Variants in IGLL1 observed in about 807,000 individuals in gnomAD.
The protein encoded by IGLL1 is immunoglobulin lambda like polypeptide 1.
IGLL1 carries 10 observed loss-of-function variants against 10.5 expected under a neutral mutation model. The ratio of observed to expected loss-of-function variants is 0.95; its 90% CI spans 0.59 to 1.62. IGLL1 has a LOEUF of 1.62. Among genes scored for constraint, IGLL1 ranks in the 40% most tolerant of loss-of-function variants. The pLI is 0.00. For missense variants in IGLL1, 284 were observed against 278.7 expected (o/e 1.02, Z -0.14); for synonymous variants, 141 against 122.7 (o/e 1.15, Z -0.99).
intron 1 of IGLL1, among the ~76,000 whole-genome samples, chr22:23,577,905 G>A (rs1555904471): frequency 7.5e-6 from 1 of 133,898 alleles, no homozygotes; most frequent in Non-Finnish European, 1.6e-5. Flanking sequence ...TTTTTTTTGA[G>A]TGGGAGTCTC....
At chr22:23,574,622 A>G (rs950705622) in intron 2 of IGLL1, among the ~76,000 whole-genome samples, 57 of 152,220 alleles carry the variant, frequency 3.7e-4, no homozygotes, top group African/African-American at 1.1e-3. Flanking sequence ...GGTCCCAGGG[A>G]CTGTCTCTAA....
At position 23,580,089 on chromosome 22, in the gene IGLL1, T is replaced by A. The variant is rs201677831; in HGVS notation, c.102A>T (p.Val34=). The A allele has an allele frequency of 6.4e-7, 1 of 1,571,784 alleles. No individual in the cohort carries two copies. Among genetic ancestry groups the A allele is most frequent in the Admixed American group, 1.9e-5 (1 of 53,476 alleles). The part of the protein sequence containing the change: ...WPLLLLGLAV[V]THGLLRPTAA... ...CTGTTGGGCGCAGCAGGCCATGGGT[T>A]ACCACGGCCAGACCCAGCAGCAGCA... Residue 34 remains valine (V), a synonymous_variant, in exon 1 of 3, where the codon GTA becomes GTT. Transcript: ENST00000330377.
At chr22:23,573,738 T>C (rs1924912944) in intron 2 of IGLL1, among the ~76,000 whole-genome samples, 153 bp from the exon 3 acceptor site, 1 of 152,032 alleles carries the variant, frequency 6.6e-6, no homozygotes, top group South Asian at 2.1e-4. Context: ...TCCTTTCCAC[T>C]GGAGCCCTCT....
At chr22:23,579,588 GA>G (rs368956453) in intron 1 of IGLL1, among the ~76,000 whole-genome samples, 3,878 of 150,408 alleles carry the variant, frequency 0.026, 141 homozygotes, top group African/African-American at 0.069. Context: ...GGGAAAAGAG[GA>G]GGGGGGGGAG....
At chr22:23,579,887 A>C in intron 1 of IGLL1, 98 bp downstream of exon 1, 15 of 968,456 alleles carry the variant, frequency 1.5e-5, no homozygotes, top group Non-Finnish European at 2.3e-5. Context: ...CCAGGGATTA[A>C]CCTTCCTCCT....
rs147356355 is a variant in IGLL1, at chr22:23,573,290, C to T, written c.618G>A (p.Thr206=). Residue 206 remains threonine (T), a synonymous_variant, in exon 3 of 3, where the codon ACG becomes ACA. Transcript: ENST00000330377. ...VMHEGSTVEK[T]VAPAECS The stretch of plus-strand genomic sequence containing the variant: ...CCTATGAACATTCTGCAGGGGCCAC[C>T]GTCTTCTCCACGGTGCTCCCTTCGT... The T allele has an allele frequency of 8.4e-4, 1,349 of 1,613,992 alleles. 1 individual carries two copies. The highest frequency in any genetic ancestry group is 2.4e-3 in the Admixed American group (146 of 60,008).
rs1460659708 is a variant in IGLL1 at position 23,580,174 on chromosome 22, C to G, written c.17G>C (p.Gly6Ala). ...ACCAGGGGCCTCAAGGCCCCCCTGGCCTGTCCCTGGCCTCATCGGCCCTCA... is the reference window on the plus strand; with the variant it reads ...ACCAGGGGCCTCAAGGCCCCCCTGGGCTGTCCCTGGCCTCATCGGCCCTCA... MRPGTGQGGLEAPGEP... is the reference protein window; with the variant it reads MRPGTAQGGLEAPGEP... Residue 6 changes from glycine (G) to alanine (A), a missense_variant, in exon 1 of 3, where the codon GGC becomes GCC. Coordinates refer to ENST00000330377, the MANE Select transcript of IGLL1 (RefSeq NM_020070.4). The G allele has an allele frequency of 3.9e-6, 6 of 1,542,686 alleles. No individual in the cohort carries two copies. The highest frequency in any genetic ancestry group is 5.2e-6 in the Non-Finnish European group (6 of 1,147,952).
intron 1 of IGLL1, among the ~76,000 whole-genome samples, chr22:23,575,842 C>T (rs900038981): frequency 3.9e-5 from 6 of 152,214 alleles, no homozygotes; most frequent in Non-Finnish European, 7.3e-5. Context: ...ACAGGGCTGG[C>T]CCCTCTTTCC....
intron 1 of IGLL1, among the ~76,000 whole-genome samples, chr22:23,577,909 G>T (rs1191362525): frequency 1.4e-5 from 2 of 146,836 alleles, no homozygotes; most frequent in Admixed American, 6.8e-5. Flanking sequence ...TTTTGAGTGG[G>T]AGTCTCGTTC....
At chr22:23,577,327 C>T (rs1240560035) in intron 1 of IGLL1, among the ~76,000 whole-genome samples, 3 of 151,936 alleles carry the variant, frequency 2.0e-5, no homozygotes, top group African/African-American at 7.3e-5. Context: ...TTGCTTGAGC[C>T]CAGCAGTTGG....
intron 1 of IGLL1, among the ~76,000 whole-genome samples, chr22:23,579,171 A>G (rs1214993090): frequency 2.7e-5 from 4 of 150,674 alleles, no homozygotes; most frequent in African/African-American, 9.8e-5. Context: ...GGATCACAGC[A>G]GGACCTGCCT....
At chr22:23,575,271 C>T (rs987103026) in intron 1 of IGLL1, among the ~76,000 whole-genome samples, 189 bp from the exon 2 acceptor site, 4 of 152,122 alleles carry the variant, frequency 2.6e-5, no homozygotes, top group African/African-American at 4.8e-5. Context: ...ACGCTGGGCC[C>T]AGTAGGTCCC....
rs1161500544 is a variant in IGLL1, at chr22:23,573,389, G to A, written c.519C>T (p.Tyr173=). ...TTPSKQSNNK[Y]AASSYLSLTP... is the part of the protein sequence containing the mutation. ...TCAGGCTCAGGTAGCTGCTGGCCGC[G>A]TACTTGTTGTTGCTCTGTTTGGAGG... Residue 173 remains tyrosine, a synonymous_variant, in exon 3 of 3, where the codon TAC becomes TAT. Coordinates refer to ENST00000330377, the MANE Select transcript of IGLL1 (RefSeq NM_020070.4). 5 of 1,614,106 alleles carry A rather than the reference G, an allele frequency of 3.1e-6. No homozygotes were observed. Among genetic ancestry groups the A allele is most frequent in the African/African-American group, 1.3e-5 (1 of 75,032 alleles).
chr22:23,578,336 T>C (rs1449160029), intron 1 of IGLL1, among the ~76,000 whole-genome samples: 3 of 152,142 alleles, frequency 2.0e-5, no homozygotes, highest in African/African-American at 7.2e-5. Flanking sequence ...CAGTCTCTGT[T>C]CTGTAGGCAT....
chr22:23,579,208 C>A (rs539701218), intron 1 of IGLL1, among the ~76,000 whole-genome samples: 1 of 152,038 alleles, frequency 6.6e-6, no homozygotes, highest in South Asian at 2.1e-4. Context: ...GGAGGTTCTG[C>A]CCCTGAAATG....
At chr22:23,579,887 A>G (rs1301474889) in intron 1 of IGLL1, 98 bp downstream of exon 1, 1 of 968,338 alleles carries the variant, frequency 1.0e-6, no homozygotes. Context: ...CCAGGGATTA[A>G]CCTTCCTCCT....
intron 2 of IGLL1, 65 bp downstream of exon 2, chr22:23,574,902 G>C (rs1401058136): frequency 8.8e-7 from 1 of 1,136,226 alleles, no homozygotes; most frequent in Middle Eastern, 1.9e-4. Context: ...AAGCCCCAGA[G>C]AGAGAAAACA....
chr22:23,579,884 T>G, intron 1 of IGLL1, 101 bp downstream of exon 1: 1 of 940,642 alleles, frequency 1.1e-6, no homozygotes, highest in African/African-American at 1.7e-5. Flanking sequence ...CCTCCAGGGA[T>G]TAACCTTCCT....
Position 23,580,050 on chromosome 22 carries a change from G to T in IGLL1, c.141C>A (p.Ser47Arg). 1 of 1,575,190 alleles carries T rather than the reference G, an allele frequency of 6.3e-7. No homozygotes were observed. The highest frequency in any genetic ancestry group is 8.6e-7 in the Non-Finnish European group (1 of 1,163,370). ...GLLRPTAASQ[S>R]RALGPGAPGG... ...CAGGGGCTCCAGGGCCCAGGGCCCT[G>T]CTCTGCGATGCAGCTGTTGGGCGCA... The change falls in exon 1 of 3, where the codon AGC (serine) becomes AGA (arginine). Residue 47 changes from serine to arginine, a missense_variant. Coordinates refer to ENST00000330377, the MANE Select transcript of IGLL1 (RefSeq NM_020070.4).
Sources: allele counts gnomAD v4.1 joint callset (sites outside exome capture counted in the v4.1 genomes callset), GRCh38; gene constraint gnomAD v4.1.1; transcripts MANE v1.5; gene names NCBI Gene and HGNC (gene_info 2026-07-23, HGNC 2026-07-21).